The following CLIP1 variants were observed in gnomAD, a reference collection of about 807,000 sequenced individuals.
The protein encoded by CLIP1 is CAP-Gly domain-containing linker protein 1.
In CLIP1, 66 loss-of-function variants were observed where a neutral mutation model predicts 161.6. That is an observed-to-expected ratio of 0.41 (90% CI 0.33 to 0.50). The LOEUF is 0.50. Among genes scored for constraint, CLIP1 ranks in the 20% least tolerant of loss-of-function variants. CLIP1 has a pLI of 0.27. For synonymous variants in CLIP1, 598 were observed against 626.2 expected, an observed-to-expected ratio of 0.96 and a Z score of 0.67; for missense variants, 1,376 against 1,702.0, an observed-to-expected ratio of 0.81 and a Z score of 3.37.
chr12:122,336,968 T>TG (rs1414578252), intron 11 of CLIP1, among the ~76,000 whole-genome samples: 1 of 151,490 alleles, frequency 6.6e-6, no homozygotes, highest in Admixed American at 6.6e-5. Context: ...TTGTGTTTTT[T>TG]TTTTTTTCTC....
intron 1 of CLIP1, chr12:122,400,888 T>C (rs1029300116): frequency 3.4e-5 from 5 of 149,024 alleles, no homozygotes; most frequent in Admixed American, 1.4e-4. Flanking sequence ...ACAGAAGCAT[T>C]ACAGGGTTTC....
chr12:122,383,480 GCT>G (rs61056302), intron 1 of CLIP1, among the ~76,000 whole-genome samples: 4,257 of 152,234 alleles, frequency 0.028, 214 homozygotes, highest in African/African-American at 0.098. Flanking sequence ...CTAATCATAA[GCT>G]CTGTCTAGGG....
rs763163041 is a variant in CLIP1 at position 122,340,780 on chromosome 12, C to A, written c.2424G>T (p.Glu808Asp). 2 of 1,594,158 alleles carry A rather than the reference C, an allele frequency of 1.3e-6. No individual in the cohort carries two copies. Among genetic ancestry groups the A allele is most frequent in the South Asian group, 2.3e-5 (2 of 87,704 alleles). Reference protein sequence around the residue: ...EAAEKQIKHLEIEKNAESSKA... With the variant: ...EAAEKQIKHLDIEKNAESSKA... ...TGCTACTTTCAGCATTCTTTTCAAT[C>A]TCTAAATGTTTAATCTGTTTCTCAG... Residue 808 changes from glutamate (E) to aspartate (D), a missense_variant, in exon 11 of 26, where the codon GAG becomes GAT. Coordinates refer to ENST00000620786, the MANE Select transcript of CLIP1 (RefSeq NM_001247997.2).
Position 122,360,980 on chromosome 12 carries a change from G to C in CLIP1, c.984C>G (p.Ser328Arg). 6.2e-7 allele frequency: 1 copy of C among 1,613,426 alleles called. No individual in the cohort carries two copies. Among genetic ancestry groups the C allele is most frequent in the Middle Eastern group, 1.6e-4 (1 of 6,062 alleles). ...SMSSVASSVS[S>R]RPSRTGLLTE... Reference sequence around the variant, plus strand: ...TTACTAGTCCTGTCCGACTGGGCCTGCTGCTCACAGAGGAGGCCACTGAGC... The same window carrying C: ...TTACTAGTCCTGTCCGACTGGGCCTCCTGCTCACAGAGGAGGCCACTGAGC... The change falls in exon 5 of 26, where the codon AGC (serine) becomes AGG (arginine). Residue 328 changes from serine to arginine, a missense_variant. Transcript: ENST00000620786.
In CLIP1 at chr12:122,380,488, G is replaced by T; in HGVS notation, c.-36C>A. ...TGTCAGAGCTGTTTCTCCTTTGCCT[G>T]TTGCCACTATCTTTCCCCAACCATT... On this transcript the variant is annotated 5_prime_UTR_variant, in exon 2 of 26. Transcript: ENST00000620786. The T allele has an allele frequency of 7.3e-7, 1 of 1,363,890 alleles. No homozygotes were observed. Among genetic ancestry groups the T allele is most frequent in the Non-Finnish European group, 1.0e-6 (1 of 958,912 alleles). 84.5% of individuals were successfully genotyped at this position (1,363,890 alleles called of 1,614,324 possible).
chr12:122,319,065 T>A (rs1033271864), intron 18 of CLIP1, among the ~76,000 whole-genome samples, 167 bp downstream of exon 18: 2 of 152,242 alleles, frequency 1.3e-5, no homozygotes, highest in Non-Finnish European at 2.9e-5. Context: ...TCCTAATAAG[T>A]AATGAAGTGA....
intron 1 of CLIP1, among the ~76,000 whole-genome samples, chr12:122,392,030 G>T (rs1955681172): frequency 6.6e-6 from 1 of 152,216 alleles, no homozygotes; most frequent in South Asian, 2.1e-4. Flanking sequence ...TAGCACGTTA[G>T]GGGGCTGAGG....
chr12:122,365,610 T>C lies in CLIP1; in HGVS notation c.658-1503A>G. ...AAGGAGCCTGAGCTGCTGGAACCTATTCCCTATGAATTCATGGCATAATAG... is the reference window on the plus strand; with the variant it reads ...AAGGAGCCTGAGCTGCTGGAACCTACTCCCTATGAATTCATGGCATAATAG... On this transcript the variant is annotated intron_variant, in intron 3 of 25. Transcript: ENST00000620786. 28 of 1,119,068 alleles carry C rather than the reference T, an allele frequency of 2.5e-5. 1 individual carries two copies. The South Asian group carries it at 3.0e-4, about 12-fold the overall frequency. The allele number at this position is 1,119,068 out of a possible 1,614,324, so 69.3% of individuals were successfully genotyped here.
intron 1 of CLIP1, among the ~76,000 whole-genome samples, chr12:122,389,444 T>A (rs1329491433): frequency 2.6e-5 from 4 of 152,058 alleles, no homozygotes; most frequent in Non-Finnish European, 5.9e-5. Context: ...CAAAACTATA[T>A]GACAGACATC....
chr12:122,314,495 A>G (rs78808700), intron 19 of CLIP1, among the ~76,000 whole-genome samples: 15,347 of 151,934 alleles, frequency 0.1, 2,515 homozygotes, highest in African/African-American at 0.35. Flanking sequence ...AAAAACAACA[A>G]AAGACTCGTA....
chr12:122,286,029 C>T (rs1471973795), intron 21 of CLIP1, among the ~76,000 whole-genome samples: 1 of 151,804 alleles, frequency 6.6e-6, no homozygotes, highest in Non-Finnish European at 1.5e-5. Flanking sequence ...ATTGGTTATG[C>T]TATTCTTTAA....
In CLIP1 at chr12:122,349,902, T is replaced by TG. The variant is rs1491409407; in HGVS notation, c.1401+1208dup. Among the ~76,000 whole-genome samples the TG allele has an allele frequency of 4.9e-3, 361 of 73,028 alleles. 6 individuals are homozygous for TG. In the East Asian group the frequency reaches 0.14, roughly 29 times the overall value. 47.9% of individuals were successfully genotyped at this position (73,028 alleles called of 152,430 possible). ...CAGTCTTGTGTTTTTTTGTTTTTTT[T>TG]GTTTTTTTTGTTTTTTTTTGAGATG... On this transcript the variant is annotated intron_variant, in intron 9 of 25. Coordinates refer to ENST00000620786, the MANE Select transcript of CLIP1 (RefSeq NM_001247997.2).
At chr12:122,349,295 A>T (rs1026530752) in intron 9 of CLIP1, among the ~76,000 whole-genome samples, 3 of 152,228 alleles carry the variant, frequency 2.0e-5, no homozygotes, top group African/African-American at 7.2e-5. Flanking sequence ...TCCAGATAAA[A>T]AGCAAATACA....
intron 1 of CLIP1, among the ~76,000 whole-genome samples, chr12:122,389,110 C>A (rs1955466445): frequency 1.3e-5 from 2 of 152,172 alleles, no homozygotes; most frequent in Non-Finnish European, 2.9e-5. Context: ...CTCAGGCATT[C>A]ATCTGCCCCA....
chr12:122,383,054 A>C (rs1955076174), intron 1 of CLIP1, among the ~76,000 whole-genome samples: 1 of 152,096 alleles, frequency 6.6e-6, no homozygotes, highest in Non-Finnish European at 1.5e-5. Context: ...TCTCCTCTAG[A>C]CTCAGCCAAC....
intron 1 of CLIP1, among the ~76,000 whole-genome samples, chr12:122,421,251 T>C (rs1033388201): frequency 6.6e-6 from 1 of 151,718 alleles, no homozygotes; most frequent in Non-Finnish European, 1.5e-5. Context: ...TAAATGTTCA[T>C]TGTTATAATT....
intron 15 of CLIP1, among the ~76,000 whole-genome samples, chr12:122,332,025 G>T (rs995240889): frequency 6.6e-6 from 1 of 151,886 alleles, no homozygotes; most frequent in African/African-American, 2.4e-5. Flanking sequence ...ATTTTTAAAG[G>T]TTGGGCACGG....
intron 15 of CLIP1, among the ~76,000 whole-genome samples, chr12:122,330,138 A>G (rs567221291): frequency 6.6e-6 from 1 of 152,248 alleles, no homozygotes; most frequent in South Asian, 2.1e-4. Context: ...AAAAAACAAA[A>G]AACACGGGAT....
chr12:122,360,560 A>T (rs1279224999), intron 5 of CLIP1, among the ~76,000 whole-genome samples: 1 of 152,128 alleles, frequency 6.6e-6, no homozygotes, highest in East Asian at 1.9e-4. Context: ...CAAAAGAAAA[A>T]ATAAAAAAAA....
Sources: allele counts gnomAD v4.1 joint callset (sites outside exome capture counted in the v4.1 genomes callset), GRCh38; gene constraint gnomAD v4.1.1; transcripts MANE v1.5; gene names NCBI Gene and HGNC (gene_info 2026-07-23, HGNC 2026-07-21).